Variants in PLD5 observed in about 807,000 individuals in gnomAD.
The protein encoded by PLD5 is phospholipase D family member 5, also known as inactive phospholipase D5.
Under a neutral mutation model 61.1 loss-of-function variants are expected in PLD5, and 36 were observed. The observed-to-expected ratio is 0.59, with a 90% confidence interval of 0.45 to 0.78. The LOEUF (loss-of-function observed/expected upper bound fraction) is 0.78, where lower values mean the gene tolerates loss of function less well. PLD5 is among the 30% of genes least tolerant of loss of function. The probability of loss-of-function intolerance (pLI) is 0.00; values close to 1 mark genes in which losing one functional copy is unlikely to be tolerated. For synonymous variants in PLD5, 243 were observed against 242.8 expected (o/e 1.00, Z -0.01); for missense variants, 515 against 644.4 (o/e 0.80, Z 2.17).
At chr1:242,400,414 T>C (rs1049424975) in intron 1 of PLD5, among the ~76,000 whole-genome samples, 4 of 152,280 alleles carry the variant, frequency 2.6e-5, no homozygotes, top group Admixed American at 2.6e-4. Context: ...AAACTCATGG[T>C]ACCTCCTCTG....
intron 1 of PLD5, among the ~76,000 whole-genome samples, chr1:242,364,614 G>T (rs561779571): frequency 6.6e-6 from 1 of 152,220 alleles, no homozygotes; most frequent in Admixed American, 6.5e-5. Context: ...CACTTGGGAG[G>T]TTGAGGCATG....
rs375177006 is a variant in PLD5 at position 242,271,179 on chromosome 1, T to TAC, written c.496-5733_496-5732dup. Among the ~76,000 whole-genome samples the TAC allele has an allele frequency of 4.6e-3, 444 of 95,672 alleles. 3 individuals are homozygous for TAC. Among genetic ancestry groups the TAC allele is most frequent in the African/African-American group, 0.015 (317 of 21,664 alleles). The allele number at this position is 95,672 out of a possible 152,430, so 62.8% of individuals were successfully genotyped here. On this transcript the variant is annotated intron_variant, in intron 3 of 9. Coordinates refer to ENST00000536534, the MANE Select transcript of PLD5 (RefSeq NM_001372062.1). ...ATATCTCAAAGTACACATGTGCATG[T>TAC]ACACACACACACACACACACACAGA... is the stretch of plus-strand genomic sequence containing the variant.
chr1:242,112,323 G>GTATATATATA (rs1491036599), intron 7 of PLD5, among the ~76,000 whole-genome samples: 2 of 80,568 alleles, frequency 2.5e-5, no homozygotes, highest in African/African-American at 6.8e-5. Flanking sequence ...GTGTGTGTGT[G>GTATATATATA]TATGTATGTA....
In PLD5 at chr1:242,245,834, A is replaced by G. The variant is rs776433529; in HGVS notation, c.607+19503T>C. 3.0e-4 allele frequency among the ~76,000 whole-genome samples: 46 copies of G among 152,284 alleles called. No homozygotes were observed. The Middle Eastern group carries it at 0.01, about 34-fold the overall frequency. On this transcript the variant is annotated intron_variant, in intron 4 of 9. Coordinates refer to ENST00000536534, the MANE Select transcript of PLD5 (RefSeq NM_001372062.1). Reference sequence around the variant, plus strand: ...GGGCCCAGTACTGTGGCTTCTCACCAGGTAGACCCACCACTGGTTTGCATC... The same window carrying G: ...GGGCCCAGTACTGTGGCTTCTCACCGGGTAGACCCACCACTGGTTTGCATC...
At chr1:242,104,460 A>G (rs192101958) in intron 8 of PLD5, among the ~76,000 whole-genome samples, 11 of 152,214 alleles carry the variant, frequency 7.2e-5, no homozygotes, top group Admixed American at 3.9e-4. Flanking sequence ...AATATAGATA[A>G]GAAAGATTAA....
chr1:242,386,154 T>C (rs960035694), intron 1 of PLD5, among the ~76,000 whole-genome samples: 2 of 152,148 alleles, frequency 1.3e-5, no homozygotes, highest in Non-Finnish European at 1.5e-5. Context: ...CATATTGGAT[T>C]AGGGCTCACC....
intron 1 of PLD5, among the ~76,000 whole-genome samples, chr1:242,436,903 T>G (rs1666021296): frequency 6.6e-6 from 1 of 152,170 alleles, no homozygotes; most frequent in East Asian, 1.9e-4. Context: ...TCTAGAAATT[T>G]AAAAGAACAA....
chr1:242,368,454 T>C (rs1205721447), intron 1 of PLD5, among the ~76,000 whole-genome samples: 2 of 152,158 alleles, frequency 1.3e-5, no homozygotes, highest in Non-Finnish European at 2.9e-5. Flanking sequence ...AAAATAGCTC[T>C]CTGCTACAGA....
At chr1:242,214,182 T>C (rs1574531620) in intron 5 of PLD5, among the ~76,000 whole-genome samples, 1 of 152,144 alleles carries the variant, frequency 6.6e-6, no homozygotes, top group Admixed American at 6.5e-5. Context: ...TTTAACACTG[T>C]TTACTGATGG....
rs568079577 is a variant in PLD5, at chr1:242,262,277, G to A, written c.607+3060C>T. On this transcript the variant is annotated intron_variant, in intron 4 of 9. Transcript: ENST00000536534. Reference sequence around the variant, plus strand: ...ATAAAGGTAATCTATGGTAGAGGTCGAAATAGTGGTTCCCTCTGCGGAGGG... The same window carrying A: ...ATAAAGGTAATCTATGGTAGAGGTCAAAATAGTGGTTCCCTCTGCGGAGGG... 5.9e-5 allele frequency among the ~76,000 whole-genome samples: 9 copies of A among 152,278 alleles called. No individual in the cohort carries two copies. The South Asian group carries it at 6.2e-4, about 11-fold the overall frequency.
intron 1 of PLD5, among the ~76,000 whole-genome samples, chr1:242,521,644 C>T (rs1669283609): frequency 1.3e-5 from 2 of 152,170 alleles, no homozygotes; most frequent in African/African-American, 4.8e-5. Flanking sequence ...TTTTCAACAT[C>T]ATAAAAAAGT....
chr1:242,396,770 C>G (rs554558840), intron 1 of PLD5, among the ~76,000 whole-genome samples: 17 of 151,422 alleles, frequency 1.1e-4, no homozygotes, highest in Admixed American at 5.3e-4. Flanking sequence ...CCTCCACCAC[C>G]TGGGTTCAAG....
At chr1:242,112,419 T>A (rs549203087) in intron 7 of PLD5, among the ~76,000 whole-genome samples, 7 of 151,920 alleles carry the variant, frequency 4.6e-5, no homozygotes, top group Admixed American at 6.6e-5. Context: ...CTGCAACCTC[T>A]ACCTCCTGGG....
intron 8 of PLD5, 127 bp downstream of exon 8, chr1:242,107,544 G>T: frequency 2.2e-6 from 2 of 894,318 alleles, no homozygotes; most frequent in African/African-American, 1.7e-5. Context: ...ATTACTTAAC[G>T]TGCTTTTTGA....
intron 5 of PLD5, among the ~76,000 whole-genome samples, chr1:242,167,115 T>TAATAAA (rs571998418): frequency 0.017 from 2,271 of 135,222 alleles, 53 homozygotes; most frequent in East Asian, 0.099. Flanking sequence ...ATAATAATAA[T>TAATAAA]AAATAGTAGC....
chr1:242,402,405 G>A (rs750231638), intron 1 of PLD5, among the ~76,000 whole-genome samples: 29 of 152,182 alleles, frequency 1.9e-4, no homozygotes, highest in Non-Finnish European at 3.1e-4. Flanking sequence ...GAAAAATAAA[G>A]AGTTATAAGG....
At chr1:242,291,879 G>C (rs1381362430) in intron 2 of PLD5, among the ~76,000 whole-genome samples, 4 of 152,068 alleles carry the variant, frequency 2.6e-5, no homozygotes, top group Non-Finnish European at 5.9e-5. Context: ...GATTGGGAGA[G>C]TATCAAAGAA....
At chr1:242,117,731 T>C (rs530190140) in intron 6 of PLD5, among the ~76,000 whole-genome samples, 1 of 152,008 alleles carries the variant, frequency 6.6e-6, no homozygotes, top group Admixed American at 6.5e-5. Flanking sequence ...AACCCTGTAC[T>C]CCCATACTAT....
chr1:242,250,035 GAA>G (rs1187882217), intron 4 of PLD5, among the ~76,000 whole-genome samples: 2 of 152,164 alleles, frequency 1.3e-5, no homozygotes, highest in Non-Finnish European at 2.9e-5. Flanking sequence ...TTCATATGAA[GAA>G]AGTTATTCCT....
Sources: allele counts gnomAD v4.1 joint callset (sites outside exome capture counted in the v4.1 genomes callset), GRCh38; gene constraint gnomAD v4.1.1; transcripts MANE v1.5; gene names NCBI Gene and HGNC (gene_info 2026-07-23, HGNC 2026-07-21).